The following EPB41L4A variants were observed in gnomAD, a reference collection of about 807,000 sequenced individuals.
EPB41L4A encodes erythrocyte membrane protein band 4.1 like 4A.
In EPB41L4A, 100 loss-of-function variants were observed where a neutral mutation model predicts 108.6. The observed-to-expected ratio is 0.92, with a 90% CI of 0.78 to 1.09. EPB41L4A has a LOEUF of 1.09. Ranked by LOEUF, EPB41L4A falls within the 50% of genes least tolerant of loss-of-function variation. EPB41L4A has a pLI of 0.00. For missense variants in EPB41L4A, 1,030 were observed against 842.7 expected (o/e 1.22, Z -2.75); for synonymous variants, 319 against 289.0 (o/e 1.10, Z -1.05).
intron 2 of EPB41L4A, among the ~76,000 whole-genome samples, chr5:112,305,361 G>A (rs894469503): frequency 8.5e-5 from 13 of 152,076 alleles, no homozygotes; most frequent in Non-Finnish European, 1.5e-5. Flanking sequence ...GTCCTCCAGT[G>A]CAGACAACTT....
chr5:112,195,573 A>C, intron 16 of EPB41L4A, 88 bp downstream of exon 16: 1 of 1,099,380 alleles, frequency 9.1e-7, no homozygotes, highest in Non-Finnish European at 1.3e-6. Flanking sequence ...AAAAAAAATA[A>C]TGCCCCCGCT....
At chr5:112,310,272 G>A (rs942052478) in intron 1 of EPB41L4A, among the ~76,000 whole-genome samples, 1 of 152,076 alleles carries the variant, frequency 6.6e-6, no homozygotes, top group Non-Finnish European at 1.5e-5. Context: ...ATTCCCTATC[G>A]GTCTTATTCC....
At chr5:112,170,660 G>A (rs1467041247) in intron 19 of EPB41L4A, among the ~76,000 whole-genome samples, 1 of 152,008 alleles carries the variant, frequency 6.6e-6, no homozygotes, top group East Asian at 1.9e-4. Context: ...TTTTTCTTCT[G>A]GATTTGTTTT....
chr5:112,364,214 T>G (rs1459147714), intron 1 of EPB41L4A, among the ~76,000 whole-genome samples: 1 of 152,128 alleles, frequency 6.6e-6, no homozygotes, highest in East Asian at 1.9e-4. Context: ...TTGGTAGAGA[T>G]GGGATTTCAC....
intron 20 of EPB41L4A, 185 bp downstream of exon 20, chr5:112,170,116 G>T: frequency 1.7e-6 from 1 of 587,814 alleles, no homozygotes; most frequent in South Asian, 2.3e-5. Context: ...AGAGATGATA[G>T]TGATTATAGT....
At chr5:112,188,832 A>G (rs920863830) in intron 17 of EPB41L4A, among the ~76,000 whole-genome samples, 6 of 152,118 alleles carry the variant, frequency 3.9e-5, no homozygotes, top group African/African-American at 1.4e-4. Context: ...CATCCCAAAT[A>G]TATTTTTTCC....
At chr5:112,366,556 T>C (rs915857557) in intron 1 of EPB41L4A, among the ~76,000 whole-genome samples, 2 of 151,942 alleles carry the variant, frequency 1.3e-5, no homozygotes, top group African/African-American at 2.4e-5. Flanking sequence ...GGCCATGTGA[T>C]AGGAGCCGTG....
At chr5:112,275,282 T>G (rs986543266) in intron 4 of EPB41L4A, 44 bp downstream of exon 4, 2 of 1,501,644 alleles carry the variant, frequency 1.3e-6, no homozygotes. Flanking sequence ...GCTTTTTGTA[T>G]ATGCAATGCA....
chr5:112,297,498 ATTTG>A (rs932230324), intron 2 of EPB41L4A, among the ~76,000 whole-genome samples: 1 of 151,506 alleles, frequency 6.6e-6, no homozygotes, highest in Non-Finnish European at 1.5e-5. Flanking sequence ...CTTCTTTCTT[ATTTG>A]TTTGAGTTCC....
chr5:112,278,831 G>T (rs1752775118), intron 3 of EPB41L4A, among the ~76,000 whole-genome samples: 1 of 150,020 alleles, frequency 6.7e-6, no homozygotes, highest in African/African-American at 2.5e-5. Context: ...CAGGTGGGTG[G>T]ATCACCTGAG....
intron 1 of EPB41L4A, among the ~76,000 whole-genome samples, chr5:112,413,940 G>A (rs1183703133): frequency 6.6e-6 from 1 of 152,130 alleles, no homozygotes; most frequent in Non-Finnish European, 1.5e-5. Flanking sequence ...AGGAGAAGAG[G>A]AGGAAAGGTG....
At chr5:112,217,534 C>A (rs545690789) in intron 12 of EPB41L4A, among the ~76,000 whole-genome samples, 1 of 151,880 alleles carries the variant, frequency 6.6e-6, no homozygotes, top group Non-Finnish European at 1.5e-5. Flanking sequence ...CCTATCTCTA[C>A]AAAAAAAGTT....
At chr5:112,300,279 A>T (rs1199291450) in intron 2 of EPB41L4A, among the ~76,000 whole-genome samples, 6 of 152,030 alleles carry the variant, frequency 3.9e-5, no homozygotes, top group Non-Finnish European at 8.8e-5. Context: ...TCTGTTACTG[A>T]TGTGTTTTCA....
At chr5:112,409,466 T>C (rs193011555) in intron 1 of EPB41L4A, among the ~76,000 whole-genome samples, 1 of 152,248 alleles carries the variant, frequency 6.6e-6, no homozygotes, top group East Asian at 1.9e-4. Context: ...ACAATTTAAA[T>C]GGGTAAGTTG....
intron 1 of EPB41L4A, among the ~76,000 whole-genome samples, chr5:112,339,103 G>A (rs1039090197): frequency 5.3e-5 from 8 of 152,136 alleles, no homozygotes; most frequent in Admixed American, 2.6e-4. Context: ...CAGGCCTGGC[G>A]ACTGGGTTTA....
At chr5:112,343,090 A>G (rs1037591535) in intron 1 of EPB41L4A, among the ~76,000 whole-genome samples, 12 of 152,332 alleles carry the variant, frequency 7.9e-5, no homozygotes, top group Admixed American at 1.3e-4. Context: ...AATAACAGAC[A>G]GTTGGCTTTA....
chr5:112,363,057 C>A (rs1470822103), intron 1 of EPB41L4A, among the ~76,000 whole-genome samples: 1 of 152,066 alleles, frequency 6.6e-6, no homozygotes, highest in African/African-American at 2.4e-5. Flanking sequence ...TTGGCCATAT[C>A]ATTTCCATTA....
chr5:112,266,474 G>A (rs1188357800), intron 4 of EPB41L4A, 144 bp from the exon 5 acceptor site: 18 of 611,038 alleles, frequency 2.9e-5, no homozygotes. Context: ...GGGCTGTTGA[G>A]TGAACAGGAA....
At chr5:112,372,615 T>A (rs1580780511) in intron 1 of EPB41L4A, among the ~76,000 whole-genome samples, 1 of 151,974 alleles carries the variant, frequency 6.6e-6, no homozygotes. Context: ...CTGAGGATGG[T>A]GGGTGGAGGG....
Sources: gnomAD v4.1 joint callset for allele counts (sites outside exome capture counted in the v4.1 genomes callset) on GRCh38, gnomAD v4.1.1 for gene constraint, MANE v1.5 for transcripts, NCBI Gene and HGNC (gene_info 2026-07-23, HGNC 2026-07-21) for gene names.